Variants in AFF3 observed in about 807,000 individuals in gnomAD.
The protein encoded by AFF3 is AF4/FMR2 family member 3.
Under a neutral mutation model 129.7 loss-of-function variants are expected in AFF3, and 32 were observed. That is an observed-to-expected ratio of 0.25 (90% CI 0.19 to 0.33). AFF3 has a LOEUF of 0.33. Ranked by LOEUF, AFF3 falls within the 10% of genes least tolerant of loss-of-function variation. AFF3 has a pLI of 1.00. For synonymous variants in AFF3, 644 were observed against 635.4 expected, an observed-to-expected ratio of 1.01 and a Z score of -0.20; for missense variants, 1,373 against 1,592.0, an observed-to-expected ratio of 0.86 and a Z score of 2.34.
rs72953703 is a variant in AFF3, at chr2:99,916,951, C to G, written c.874-79427G>C. On this transcript the variant is annotated intron_variant, in intron 7 of 24. Coordinates refer to ENST00000672756, the MANE Select transcript of AFF3 (RefSeq NM_001386135.1). ...TTGGTGAGCTAGGATTGCCAGAGAT[C>G]TCTCAGAATATTTGCACTTTCTGTG... is the stretch of plus-strand genomic sequence containing the variant. Among the ~76,000 whole-genome samples the G allele has an allele frequency of 9.9e-4, 151 of 152,222 alleles. 1 individual carries two copies. The highest frequency in any genetic ancestry group is 3.5e-3 in the African/African-American group (145 of 41,556).
intron 13 of AFF3, chr2:99,630,863 T>G (rs965679807): frequency 7.7e-6 from 2 of 260,840 alleles, no homozygotes; most frequent in Non-Finnish European, 1.7e-5. Context: ...CCAGATGAGA[T>G]TTGGGTGGTG....
chr2:100,127,710 G>A (rs1203372297), intron 2 of AFF3, among the ~76,000 whole-genome samples: 1 of 152,222 alleles, frequency 6.6e-6, no homozygotes, highest in Non-Finnish European at 1.5e-5. Context: ...CTGCCTGCAG[G>A]AGTTGGCATT....
At chr2:99,764,321 G>A (rs1575909535) in intron 8 of AFF3, among the ~76,000 whole-genome samples, 1 of 152,026 alleles carries the variant, frequency 6.6e-6, no homozygotes, top group South Asian at 2.1e-4. Flanking sequence ...CCACAGAGAG[G>A]ATTAGAACAT....
At chr2:99,805,813 TACACACACACAC>T (rs3072357) in intron 8 of AFF3, among the ~76,000 whole-genome samples, 16 of 142,942 alleles carry the variant, frequency 1.1e-4, no homozygotes, top group Middle Eastern at 3.6e-3. Flanking sequence ...GCAGGAGTCT[TACACACACACAC>T]ACACACACAC....
At chr2:99,853,655 G>T (rs528202974) in intron 7 of AFF3, among the ~76,000 whole-genome samples, 2 of 152,108 alleles carry the variant, frequency 1.3e-5, no homozygotes, top group Non-Finnish European at 2.9e-5. Flanking sequence ...TTCTAGATGC[G>T]AAATTTCCTC....
At position 99,547,906 on chromosome 2, in the gene AFF3, G is replaced by A. The variant is rs181091855; in HGVS notation, c.*3568C>T. 1 of 213,514 alleles carries A rather than the reference G, an allele frequency of 4.7e-6. No homozygotes were observed. Among genetic ancestry groups the A allele is most frequent in the Admixed American group, 5.9e-5 (1 of 17,056 alleles). The allele number at this position is 213,514 out of a possible 1,614,324, so 13.2% of individuals were successfully genotyped here. Reference sequence around the variant, plus strand: ...AAAGTCTCATTGCATTGCATTCCATGTGTTCAATCTAGTACACAATTTGTC... The same window carrying A: ...AAAGTCTCATTGCATTGCATTCCATATGTTCAATCTAGTACACAATTTGTC... On this transcript the variant is annotated 3_prime_UTR_variant, in exon 25 of 25. Coordinates refer to ENST00000672756, the MANE Select transcript of AFF3 (RefSeq NM_001386135.1).
chr2:100,118,576 A>G (rs987411694), intron 2 of AFF3, among the ~76,000 whole-genome samples: 1 of 152,104 alleles, frequency 6.6e-6, no homozygotes, highest in Non-Finnish European at 1.5e-5. Flanking sequence ...TAAATGTAAC[A>G]TTTACCAAGG....
intron 4 of AFF3, among the ~76,000 whole-genome samples, chr2:100,045,974 T>C (rs1369581159): frequency 6.6e-6 from 1 of 152,128 alleles, no homozygotes; most frequent in Non-Finnish European, 1.5e-5. Context: ...AAAAGTTATA[T>C]GTGAATTTTT....
At chr2:99,917,347 T>G (rs1230556775) in intron 7 of AFF3, among the ~76,000 whole-genome samples, 1 of 152,152 alleles carries the variant, frequency 6.6e-6, no homozygotes, top group Non-Finnish European at 1.5e-5. Flanking sequence ...CAGGAGATCC[T>G]GATGTGGTTC....
chr2:99,768,360 A>C (rs1683188666), intron 8 of AFF3, among the ~76,000 whole-genome samples: 1 of 152,176 alleles, frequency 6.6e-6, no homozygotes, highest in Non-Finnish European at 1.5e-5. Context: ...TACATGCACT[A>C]AGATGGGGAT....
rs1364184241 is a variant in AFF3, at chr2:99,837,632, T to TAA, written c.874-109_874-108insTT. On this transcript the variant is annotated intron_variant, in intron 7 of 24. Coordinates refer to ENST00000672756, the MANE Select transcript of AFF3 (RefSeq NM_001386135.1). ...CCCCCAACAAAAAAATTCAGCGAGTTACAGGTTGAGGGGATGCCTGACCTG... is the reference window on the plus strand; with the variant it reads ...CCCCCAACAAAAAAATTCAGCGAGTTAAACAGGTTGAGGGGATGCCTGACCTG... 5.9e-6 allele frequency: 6 copies of TAA among 1,008,996 alleles called. No homozygotes were observed. The Admixed American group carries it at 9.5e-5, about 16-fold the overall frequency. 62.5% of individuals were successfully genotyped at this position (1,008,996 alleles called of 1,614,324 possible).
intron 13 of AFF3, among the ~76,000 whole-genome samples, chr2:99,621,681 C>T (rs545962185): frequency 9.2e-5 from 14 of 152,296 alleles, no homozygotes; most frequent in African/African-American, 3.1e-4. Flanking sequence ...GCGCTCAATG[C>T]GGCCATAAAA....
In AFF3 at chr2:99,840,893, A is replaced by C. The variant is rs1576157345; in HGVS notation, c.874-3369T>G. 3.3e-5 allele frequency among the ~76,000 whole-genome samples: 5 copies of C among 152,320 alleles called. No homozygotes were observed. In the South Asian group the frequency reaches 1.0e-3, roughly 32 times the overall value. ...ATGAGTGGTCTGAATTAGAAAATGT[A>C]CCGTCAAACCTACAGAATATCATTA... is the stretch of plus-strand genomic sequence containing the variant. On this transcript the variant is annotated intron_variant, in intron 7 of 24. Transcript: ENST00000672756.
chr2:99,560,554 G>T, intron 20 of AFF3, 118 bp from the exon 21 acceptor site: 1 of 904,542 alleles, frequency 1.1e-6, no homozygotes, highest in Non-Finnish European at 1.7e-6. Flanking sequence ...CTGATCCTTA[G>T]CTTTTCATAG....
At chr2:100,110,461 C>T (rs1057115579) in intron 2 of AFF3, 1 of 152,202 alleles carries the variant, frequency 6.6e-6, no homozygotes, top group African/African-American at 2.4e-5. Context: ...TCTGGGGCAC[C>T]AGAGAGTATT....
chr2:99,751,444 C>A (rs1436821449), intron 9 of AFF3, among the ~76,000 whole-genome samples: 1 of 152,110 alleles, frequency 6.6e-6, no homozygotes, highest in Non-Finnish European at 1.5e-5. Context: ...TGAAAAAAAT[C>A]AACTTTTGGA....
At chr2:99,582,213 G>GAAAC (rs910645804) in intron 17 of AFF3, among the ~76,000 whole-genome samples, 4 of 152,172 alleles carry the variant, frequency 2.6e-5, no homozygotes, top group Admixed American at 2.6e-4. Context: ...TGCAGGTAAA[G>GAAAC]AAACAGGAGC....
chr2:99,567,750 T>C (rs576621512), intron 19 of AFF3, among the ~76,000 whole-genome samples: 1 of 152,168 alleles, frequency 6.6e-6, no homozygotes, highest in South Asian at 2.1e-4. Flanking sequence ...TGGAGCAGAG[T>C]GTCTCCTCTT....
chr2:99,688,880 C>T (rs1226265573), intron 11 of AFF3, among the ~76,000 whole-genome samples: 1 of 152,192 alleles, frequency 6.6e-6, no homozygotes, highest in Non-Finnish European at 1.5e-5. Flanking sequence ...GCAATCACCA[C>T]ACAATACATG....
Sources: allele counts gnomAD v4.1 joint callset (sites outside exome capture counted in the v4.1 genomes callset), GRCh38; gene constraint gnomAD v4.1.1; transcripts MANE v1.5; gene names NCBI Gene and HGNC (gene_info 2026-07-23, HGNC 2026-07-21).